Variants in ZNF324B observed in about 807,000 individuals in gnomAD.
ZNF324B encodes zinc finger protein 324B.
Under a neutral mutation model 10.6 loss-of-function variants are expected in ZNF324B, and 7 were observed. That is an observed-to-expected ratio of 0.66 (90% CI 0.38 to 1.24). The LOEUF is 1.24. Among genes scored for constraint, ZNF324B ranks in the 50% most tolerant of loss-of-function variants. The pLI, the probability that ZNF324B is intolerant of heterozygous loss-of-function variation, is 0.02. For synonymous variants in ZNF324B, 316 were observed against 321.0 expected, an observed-to-expected ratio of 0.98 and a Z score of 0.17; for missense variants, 640 against 764.7, an observed-to-expected ratio of 0.84 and a Z score of 1.92.
chr19:58,439,444 A>G, the ZNF324B span, among the ~76,000 whole-genome samples: 1 of 152,242 alleles, frequency 6.6e-6, no homozygotes. Context: ...CCACCAGACT[A>G]AATGGAGACC....
chr19:58,445,713 G>T, the ZNF324B span: 1 of 328,732 alleles, frequency 3.0e-6, no homozygotes, highest in Non-Finnish European at 5.9e-6. Context: ...TACACCAGAG[G>T]CTGAGGCAGG....
intron 1 of ZNF324B, chr19:58,452,785 AAAG>A: frequency 2.6e-6 from 1 of 387,992 alleles, no homozygotes; most frequent in South Asian, 1.1e-4. Flanking sequence ...GCTTGAGGGT[AAAG>A]AAAACCGGCT....
chr19:58,443,180 G>A, the ZNF324B span: 2 of 152,172 alleles, frequency 1.3e-5, no homozygotes, highest in Non-Finnish European at 1.5e-5. Flanking sequence ...CAGCCAATTA[G>A]CTAGACACAG....
At chr19:58,420,554 A>G in the ZNF324B span, among the ~76,000 whole-genome samples, 1 of 150,768 alleles carries the variant, frequency 6.6e-6, no homozygotes, top group East Asian at 2.0e-4. Context: ...ACATGGCAAG[A>G]CCCCATCTCT....
At chr19:58,439,910 A>G in the ZNF324B span, 1 of 1,382,892 alleles carries the variant, frequency 7.2e-7, no homozygotes, top group Non-Finnish European at 9.8e-7. Flanking sequence ...GTCTTCCCAA[A>G]TGCAAAATGC....
At chr19:58,436,565 G>A in the ZNF324B span, among the ~76,000 whole-genome samples, 6 of 151,386 alleles carry the variant, frequency 4.0e-5, no homozygotes, top group African/African-American at 1.5e-4. Context: ...CTACTTGGGA[G>A]GCTGAGGCAG....
At chr19:58,427,655 T>G in the ZNF324B span, among the ~76,000 whole-genome samples, 1 of 145,034 alleles carries the variant, frequency 6.9e-6, no homozygotes, top group Non-Finnish European at 1.5e-5. Context: ...GCGCCCAGCC[T>G]TTTTTTTTTC....
At chr19:58,427,407 C>CTTTCTTTCTTTCTTTCTTTCT in the ZNF324B span, among the ~76,000 whole-genome samples, 1 of 30,776 alleles carries the variant, frequency 3.2e-5, no homozygotes, top group African/African-American at 1.8e-4. Context: ...TCTTTCTTTC[C>CTTTCTTTCTTTCTTTCTTTCT]TTCCTTCCTT....
In ZNF324B at chr19:58,454,320, A is replaced by T. The variant is rs957949997; in HGVS notation, c.214A>T (p.Asn72Tyr). 1 of 1,613,812 alleles carries T rather than the reference A, an allele frequency of 6.2e-7. No individual in the cohort carries two copies. The highest frequency in any genetic ancestry group is 8.5e-7 in the Non-Finnish European group (1 of 1,179,832). ...PSGKDMTLAR[N>Y]TYGRLNSGSW... Reference sequence around the variant, plus strand: ...TGGAAAGGACATGACCCTGGCCAGGAACACCTACGGGAGGCTCAACTCTGG... The same window carrying T: ...TGGAAAGGACATGACCCTGGCCAGGTACACCTACGGGAGGCTCAACTCTGG... Residue 72 changes from asparagine to tyrosine, a missense_variant, in exon 3 of 4, where the codon AAC becomes TAC. This residue lies in a region of ZNF324B where 345 missense variants were observed against 387.9 expected (regional missense o/e 0.89). Coordinates refer to ENST00000336614, the MANE Select transcript of ZNF324B (RefSeq NM_207395.3).
At chr19:58,436,452 G>A in the ZNF324B span, among the ~76,000 whole-genome samples, 2 of 151,980 alleles carry the variant, frequency 1.3e-5, no homozygotes, top group Admixed American at 1.3e-4. Context: ...GGATCACGAG[G>A]TCAGGAGATT....
rs371148383 is a variant in ZNF324B at position 58,455,608 on chromosome 19, C to T, written c.664C>T (p.Arg222Cys). 9.9e-6 allele frequency: 16 copies of T among 1,613,910 alleles called. No homozygotes were observed. Among genetic ancestry groups the T allele is most frequent in the Admixed American group, 1.7e-5 (1 of 60,004 alleles). The change falls in exon 4 of 4, where the codon CGC (arginine) becomes TGC (cysteine). Residue 222 changes from arginine to cysteine, a missense_variant. Transcript: ENST00000336614. This position sits in a 1 kb window ranked among gnomAD's most constrained non-coding sequence, Gnocchi z 7.0. Reference sequence around the variant, plus strand: ...GAAGGCCGCCAGTGGTGGCAGGGATCGCAGAATGGGCGCAGCTTGGCAGGA... The same window carrying T: ...GAAGGCCGCCAGTGGTGGCAGGGATTGCAGAATGGGCGCAGCTTGGCAGGA... The part of the protein sequence containing the change: ...DLKAASGGRD[R>C]RMGAAWQEPH...
At chr19:58,449,441 C>G (rs891707330), upstream of ZNF324B, among the ~76,000 whole-genome samples, 8 of 152,168 alleles carry the variant, frequency 5.3e-5, no homozygotes, top group Non-Finnish European at 8.8e-5. Context: ...CCTCCAGACT[C>G]CAGAATGGTA....
the ZNF324B span, among the ~76,000 whole-genome samples, chr19:58,427,343 C>CTTTCTTTCTTTCTTTCTT: frequency 4.3e-5 from 1 of 23,066 alleles, no homozygotes. Flanking sequence ...TTCTTTCTTT[C>CTTTCTTTCTTTCTTTCTT]TCTTTCCTTT....
At chr19:58,423,924 G>A in the ZNF324B span, among the ~76,000 whole-genome samples, 630 of 152,128 alleles carry the variant, frequency 4.1e-3, 4 homozygotes, top group African/African-American at 0.014. Context: ...TTAAACATAT[G>A]ACTCAAAACT....
At chr19:58,454,584 T>C in intron 3 of ZNF324B, 1 of 575,052 alleles carries the variant, frequency 1.7e-6, no homozygotes. Context: ...TGTGTGGCCT[T>C]GAACCCTCCA....
chr19:58,439,686 C>T, the ZNF324B span: 1 of 1,435,094 alleles, frequency 7.0e-7, no homozygotes. Flanking sequence ...CACCAACATC[C>T]CCTCTATCTG....
chr19:58,434,470 C>T, the ZNF324B span: 2 of 1,614,182 alleles, frequency 1.2e-6, no homozygotes. Context: ...GAAGGTTTTC[C>T]CACATGCAAT....
chr19:58,422,961 C>A, the ZNF324B span, among the ~76,000 whole-genome samples: 1 of 152,008 alleles, frequency 6.6e-6, no homozygotes, highest in Admixed American at 6.6e-5. Context: ...GCTCCGCCTC[C>A]CGGGTTCACA....
chr19:58,443,192 G>A, the ZNF324B span: 3 of 152,214 alleles, frequency 2.0e-5, no homozygotes, highest in Non-Finnish European at 4.4e-5. Context: ...TAGACACAGA[G>A]CGCTGATTGG....
Sources: allele counts gnomAD v4.1 joint callset (sites outside exome capture counted in the v4.1 genomes callset), GRCh38; gene constraint gnomAD v4.1.1; regional missense constraint gnomAD v4.1.1; non-coding constraint Gnocchi (gnomAD v3.1); transcripts MANE v1.5; gene names NCBI Gene and HGNC (gene_info 2026-07-23, HGNC 2026-07-21).